The following USP8 variants were observed in gnomAD, a reference collection of about 807,000 sequenced individuals.
The protein encoded by USP8 is ubiquitin specific peptidase 8.
USP8 carries 27 observed loss-of-function variants against 130.0 expected under a neutral mutation model. That is an observed-to-expected ratio of 0.21 (90% confidence interval 0.15 to 0.29). The LOEUF is 0.29. Among genes scored for constraint, USP8 ranks in the 10% least tolerant of loss-of-function variants. The pLI is 1.00. For missense variants in USP8, 1,029 were observed against 1,312.2 expected, an observed-to-expected ratio of 0.78 and a Z score of 3.33; for synonymous variants, 392 against 444.1, an observed-to-expected ratio of 0.88 and a Z score of 1.48.
At chr15:50,474,863 C>T (rs887465283) in intron 8 of USP8, among the ~76,000 whole-genome samples, 2 of 152,196 alleles carry the variant, frequency 1.3e-5, no homozygotes, top group Non-Finnish European at 2.9e-5. Flanking sequence ...GATCCCAGCA[C>T]TTTGGGAGGC....
At chr15:50,488,968 T>C (rs1165354787) in intron 12 of USP8, among the ~76,000 whole-genome samples, 1 of 152,112 alleles carries the variant, frequency 6.6e-6, no homozygotes, top group Non-Finnish European at 1.5e-5. Context: ...CCTCCTGTCT[T>C]GGCCTCGCAA....
Position 50,473,804 on chromosome 15 carries a change from G to GTA in USP8, c.849+2025_849+2026dup, listed in dbSNP as rs943537478. Among the ~76,000 whole-genome samples the GTA allele has an allele frequency of 2.6e-3, 387 of 148,618 alleles. 3 individuals are homozygous for GTA. Among genetic ancestry groups the GTA allele is most frequent in the African/African-American group, 7.1e-3 (289 of 40,564 alleles). On this transcript the variant is annotated intron_variant, in intron 8 of 19. Coordinates refer to ENST00000307179, the MANE Select transcript of USP8 (RefSeq NM_005154.5). ...GTGCACCACTGTGTTGGGCATCTAAGTATATATATATATATATTTTTTTAA... is the reference window on the plus strand; with the variant it reads ...GTGCACCACTGTGTTGGGCATCTAAGTATATATATATATATATATTTTTTTAA...
At chr15:50,459,987 A>ACCCC (rs1252614380) in intron 5 of USP8, among the ~76,000 whole-genome samples, 3 of 80,192 alleles carry the variant, frequency 3.7e-5, no homozygotes, top group African/African-American at 5.7e-5. Context: ...CAGTTCCCCC[A>ACCCC]CCCCCCCCCT....
At chr15:50,472,165 T>C (rs2051399989) in intron 8 of USP8, among the ~76,000 whole-genome samples, 1 of 152,018 alleles carries the variant, frequency 6.6e-6, no homozygotes, top group South Asian at 2.1e-4. Flanking sequence ...CATCCCAAAG[T>C]GCTGGGATTA....
rs929177895 is a variant in USP8, at chr15:50,507,332, A to G, written c.*8244A>G. The stretch of plus-strand genomic sequence containing the variant: ...AATCCAGTTCTATGCACTATATAAC[A>G]TTTAGAACTCAGAAAAGGTGTATTT... On this transcript the variant is annotated 3_prime_UTR_variant, in exon 20 of 20. Transcript: ENST00000307179. 1.3e-5 allele frequency: 2 copies of G among 152,252 alleles called. No individual in the cohort carries two copies. The highest frequency in any genetic ancestry group is 4.8e-5 in the African/African-American group (2 of 41,450). 9.4% of individuals were successfully genotyped at this position (152,252 alleles called of 1,614,324 possible).
chr15:50,480,745 T>A (rs1470603686), intron 10 of USP8, among the ~76,000 whole-genome samples: 1 of 151,980 alleles, frequency 6.6e-6, no homozygotes, highest in Admixed American at 6.6e-5. Context: ...TTAGGTGTAC[T>A]GAGAGCATAG....
At chr15:50,450,358 G>GA (rs920327685) in intron 4 of USP8, among the ~76,000 whole-genome samples, 20 of 146,052 alleles carry the variant, frequency 1.4e-4, no homozygotes, top group South Asian at 6.4e-4. Flanking sequence ...TTTAAATTTG[G>GA]AAAAAAAAAC....
chr15:50,427,749 G>A (rs1403564336), intron 1 of USP8, among the ~76,000 whole-genome samples: 1 of 151,688 alleles, frequency 6.6e-6, no homozygotes, highest in African/African-American at 2.4e-5. Context: ...AGTAGAGATG[G>A]GGTTTTGCCA....
At chr15:50,474,499 T>C (rs2051494680) in intron 8 of USP8, among the ~76,000 whole-genome samples, 1 of 152,216 alleles carries the variant, frequency 6.6e-6, no homozygotes, top group African/African-American at 2.4e-5. Flanking sequence ...AAACTGCCAG[T>C]ATTCAACTGG....
chr15:50,475,705 C>T (rs868356039), intron 8 of USP8, among the ~76,000 whole-genome samples: 1 of 152,114 alleles, frequency 6.6e-6, no homozygotes, highest in African/African-American at 2.4e-5. Context: ...CGGGTTCAAG[C>T]GATTCTCTTG....
chr15:50,487,139 C>A (rs1428111315), intron 12 of USP8, among the ~76,000 whole-genome samples: 27 of 150,754 alleles, frequency 1.8e-4, no homozygotes, highest in African/African-American at 5.6e-4. Flanking sequence ...AAAAAAAAAA[C>A]AACTTATTAA....
At chr15:50,472,640 G>A (rs1017598138) in intron 8 of USP8, among the ~76,000 whole-genome samples, 9 of 151,178 alleles carry the variant, frequency 6.0e-5, no homozygotes, top group Non-Finnish European at 1.3e-4. Flanking sequence ...GCCAGGCGTG[G>A]TGGCCCATGC....
chr15:50,443,523 G>T lies in USP8; in HGVS notation c.249+2030G>T, dbSNP rs556203379. Reference sequence around the variant, plus strand: ...TTTAAAGACGGAGTCTCACTCTGTCGCCCAGACTGGAGTGCGGTAGCTCAA... The same window carrying T: ...TTTAAAGACGGAGTCTCACTCTGTCTCCCAGACTGGAGTGCGGTAGCTCAA... On this transcript the variant is annotated intron_variant, in intron 3 of 19. Transcript: ENST00000307179. Among the ~76,000 whole-genome samples, 13 of 150,372 alleles carry T rather than the reference G, an allele frequency of 8.6e-5. No individual in the cohort carries two copies. The South Asian group carries it at 2.8e-3, about 32-fold the overall frequency.
At chr15:50,494,994 G>C (rs2052319317) in intron 16 of USP8, among the ~76,000 whole-genome samples, 1 of 150,594 alleles carries the variant, frequency 6.6e-6, no homozygotes, top group South Asian at 2.1e-4. Flanking sequence ...ACTCCAGCCT[G>C]GGCGACAGAG....
At chr15:50,460,698 G>C (rs925034895) in intron 5 of USP8, among the ~76,000 whole-genome samples, 10 of 152,144 alleles carry the variant, frequency 6.6e-5, no homozygotes, top group Admixed American at 6.6e-5. Context: ...GACTTAGTCT[G>C]TAGCTGCCAG....
At chr15:50,441,255 T>A (rs1388423591) in intron 2 of USP8, 94 bp from the exon 3 acceptor site, 1 of 1,235,164 alleles carries the variant, frequency 8.1e-7, no homozygotes, top group Non-Finnish European at 1.1e-6. Flanking sequence ...GGGTTGGGGA[T>A]CCCTGATAAA....
At chr15:50,439,394 A>AT (rs1339915709) in intron 2 of USP8, among the ~76,000 whole-genome samples, 1 of 152,212 alleles carries the variant, frequency 6.6e-6, no homozygotes, top group South Asian at 2.1e-4. Flanking sequence ...GATCATACAG[A>AT]TATGATCTCT....
chr15:50,450,205 T>G (rs895914242), intron 4 of USP8, among the ~76,000 whole-genome samples: 1 of 152,104 alleles, frequency 6.6e-6, no homozygotes, highest in Non-Finnish European at 1.5e-5. Context: ...ATTTCTAATT[T>G]ATAATATTTG....
intron 5 of USP8, among the ~76,000 whole-genome samples, chr15:50,460,058 C>T (rs1393915178): frequency 5.0e-5 from 6 of 121,176 alleles, no homozygotes; most frequent in Non-Finnish European, 8.0e-5. Flanking sequence ...AATGCAATGG[C>T]GTGATCTCGG....
Sources: allele counts gnomAD v4.1 joint callset (sites outside exome capture counted in the v4.1 genomes callset), GRCh38; gene constraint gnomAD v4.1.1; transcripts MANE v1.5; gene names NCBI Gene and HGNC (gene_info 2026-07-23, HGNC 2026-07-21).